Variants in SKIC3 observed in about 807,000 individuals in gnomAD.
The protein encoded by SKIC3 is superkiller complex protein 3.
At chr5:95,533,415 A>G in the SKIC3 span, among the ~76,000 whole-genome samples, 74 of 152,182 alleles carry the variant, frequency 4.9e-4, no homozygotes, top group African/African-American at 1.8e-3. Context: ...GAAGTTCTCA[A>G]TACACTGAAA....
At chr5:95,542,781 A>G in the SKIC3 span, among the ~76,000 whole-genome samples, 1 of 152,230 alleles carries the variant, frequency 6.6e-6, no homozygotes, top group Non-Finnish European at 1.5e-5. Flanking sequence ...CTAAGTAAGA[A>G]AAAAGAATTT....
chr5:95,470,452 A>G, the SKIC3 span, among the ~76,000 whole-genome samples: 1 of 152,180 alleles, frequency 6.6e-6, no homozygotes, highest in Non-Finnish European at 1.5e-5. Flanking sequence ...AAACACTAAA[A>G]TATTTGTTTA....
the SKIC3 span, chr5:95,469,981 C>CT: frequency 0.087 from 101,896 of 1,174,598 alleles, 14 homozygotes; most frequent in Non-Finnish European, 0.093. Flanking sequence ...CAATTCAATT[C>CT]TTTTTTTTTT....
chr5:95,529,404 T>G, the SKIC3 span: 1 of 414,556 alleles, frequency 2.4e-6, no homozygotes, highest in Non-Finnish European at 4.5e-6. Flanking sequence ...ATTATAAAAT[T>G]CCCCTGCTAA....
chr5:95,512,679 T>G, the SKIC3 span: 2 of 1,595,698 alleles, frequency 1.3e-6, no homozygotes, highest in Middle Eastern at 1.7e-4. Flanking sequence ...AAAATTATAA[T>G]AAGAAGTAAA....
At chr5:95,536,906 C>G in the SKIC3 span, 1 of 1,613,654 alleles carries the variant, frequency 6.2e-7, no homozygotes, top group Non-Finnish European at 8.5e-7. Context: ...CTTCTTCAAT[C>G]TAGCAGACTC....
chr5:95,529,881 GAC>G, the SKIC3 span, among the ~76,000 whole-genome samples: 1 of 147,190 alleles, frequency 6.8e-6, no homozygotes, highest in African/African-American at 2.5e-5. Context: ...TGAAAACACT[GAC>G]ACACAGTAAG....
the SKIC3 span, among the ~76,000 whole-genome samples, chr5:95,469,424 G>A: frequency 6.6e-6 from 1 of 152,050 alleles, no homozygotes; most frequent in South Asian, 2.1e-4. Context: ...CCTTGTGTTG[G>A]GGTCTTTTGG....
the SKIC3 span, chr5:95,528,843 A>G: frequency 5.9e-6 from 4 of 674,842 alleles, no homozygotes; most frequent in Non-Finnish European, 1.0e-5. Context: ...GTACACATGC[A>G]TGCAGACTTT....
At chr5:95,505,817 A>C in the SKIC3 span, among the ~76,000 whole-genome samples, 721 of 147,852 alleles carry the variant, frequency 4.9e-3, 15 homozygotes, top group Non-Finnish European at 2.0e-3. Context: ...TGTCCCCCCA[A>C]AAAAAAAAAA....
At chr5:95,537,895 C>G in the SKIC3 span, among the ~76,000 whole-genome samples, 1 of 152,032 alleles carries the variant, frequency 6.6e-6, no homozygotes, top group Non-Finnish European at 1.5e-5. Flanking sequence ...GGTATAAAGT[C>G]TATGTAAATA....
At chr5:95,547,995 C>A in the SKIC3 span, among the ~76,000 whole-genome samples, 1 of 151,934 alleles carries the variant, frequency 6.6e-6, no homozygotes, top group Non-Finnish European at 1.5e-5. Flanking sequence ...TAATTTCAGC[C>A]ATAAAAAGAT....
At chr5:95,473,177 T>G in the SKIC3 span, among the ~76,000 whole-genome samples, 1 of 152,234 alleles carries the variant, frequency 6.6e-6, no homozygotes, top group Non-Finnish European at 1.5e-5. Context: ...ATCTACAAAC[T>G]GCTTTCCACA....
At chr5:95,485,171 CTGA>C in the SKIC3 span, among the ~76,000 whole-genome samples, 3 of 152,192 alleles carry the variant, frequency 2.0e-5, no homozygotes, top group African/African-American at 7.2e-5. Context: ...ACTATACAAT[CTGA>C]TGATATTTGA....
At chr5:95,550,418 C>T in the SKIC3 span, among the ~76,000 whole-genome samples, 5 of 149,352 alleles carry the variant, frequency 3.3e-5, no homozygotes, top group Non-Finnish European at 7.4e-5. Flanking sequence ...AAAACGATAT[C>T]TTTAAATCTA....
At chr5:95,512,517 A>G in the SKIC3 span, 1 of 1,614,040 alleles carries the variant, frequency 6.2e-7, no homozygotes, top group Non-Finnish European at 8.5e-7. Flanking sequence ...CTGGAATAGC[A>G]TTCATCTGGA....
chr5:95,494,537 T>C, the SKIC3 span: 12 of 797,192 alleles, frequency 1.5e-5, no homozygotes, highest in Admixed American at 2.7e-4. Context: ...ACTCCTGTTG[T>C]AGAAGATCTA....
chr5:95,506,925 T>C, the SKIC3 span: 12 of 1,612,916 alleles, frequency 7.4e-6, no homozygotes, highest in Non-Finnish European at 1.0e-5. Flanking sequence ...GGAGAAAAAA[T>C]ACGCTTACCA....
At chr5:95,540,129 C>T in the SKIC3 span, among the ~76,000 whole-genome samples, 2 of 152,116 alleles carry the variant, frequency 1.3e-5, no homozygotes, top group African/African-American at 4.8e-5. Context: ...GAATTAATAG[C>T]ATTCGCAGCA....
Sources: allele counts gnomAD v4.1 joint callset (sites outside exome capture counted in the v4.1 genomes callset), GRCh38; gene constraint gnomAD v4.1.1; transcripts MANE v1.5; gene names NCBI Gene and HGNC (gene_info 2026-07-23, HGNC 2026-07-21).